DOP1A: variants seen among roughly 807,000 people sequenced by gnomAD.
DOP1A encodes protein DOP1A.
Under a neutral mutation model 267.6 loss-of-function variants are expected in DOP1A, and 90 were observed. The ratio of observed to expected loss-of-function variants is 0.34; its 90% CI spans 0.28 to 0.40. The LOEUF is 0.40. DOP1A is among the 10% of genes least tolerant of loss of function. The pLI is 1.00. For synonymous variants in DOP1A, 932 were observed against 999.1 expected, an observed-to-expected ratio of 0.93 and a Z score of 1.27; for missense variants, 2,437 against 2,900.4, an observed-to-expected ratio of 0.84 and a Z score of 3.67.
chr6:83,111,364 G>A (rs1017058077), intron 6 of DOP1A, among the ~76,000 whole-genome samples: 9 of 151,298 alleles, frequency 5.9e-5, no homozygotes, highest in Admixed American at 2.0e-4. Context: ...ATGGACATGC[G>A]TTTTCATTTA....
At chr6:83,141,720 G>A (rs772212780) in intron 23 of DOP1A, among the ~76,000 whole-genome samples, 4 of 152,068 alleles carry the variant, frequency 2.6e-5, no homozygotes, top group South Asian at 2.1e-4. Flanking sequence ...ATTGGTAGCC[G>A]TCATTTTATA....
At chr6:83,135,982 C>A in intron 20 of DOP1A, 104 bp downstream of exon 20, 1 of 1,351,982 alleles carries the variant, frequency 7.4e-7, no homozygotes, top group Non-Finnish European at 1.0e-6. Flanking sequence ...GAGATTTTCT[C>A]CATGGGCTTA....
chr6:83,130,446 T>G lies in DOP1A; in HGVS notation c.2616+49T>G, dbSNP rs16881276. 3.6e-3 allele frequency: 5,672 copies of G among 1,556,322 alleles called. 192 individuals are homozygous for G. In the African/African-American group the frequency reaches 0.068, roughly 19 times the overall value. ...TGACTATGATGATTACAGCCATGTA[T>G]GATACTTGACCTAGTTTGCTTTAAG... On this transcript the variant is annotated intron_variant, in intron 17 of 38. Transcript: ENST00000349129.
At chr6:83,154,795 G>GA (rs966415640) in intron 33 of DOP1A, among the ~76,000 whole-genome samples, 18 of 151,050 alleles carry the variant, frequency 1.2e-4, no homozygotes, top group African/African-American at 1.7e-4. Context: ...AATTTCATCT[G>GA]AAAAAAAAGA....
At chr6:83,095,225 G>T (rs1374388778) in intron 1 of DOP1A, among the ~76,000 whole-genome samples, 1 of 152,184 alleles carries the variant, frequency 6.6e-6, no homozygotes, top group Non-Finnish European at 1.5e-5. Context: ...GAGCCACCGT[G>T]CCTGGCTTTC....
chr6:83,136,103 G>A (rs1489449761), intron 20 of DOP1A, among the ~76,000 whole-genome samples: 2 of 152,094 alleles, frequency 1.3e-5, no homozygotes, highest in African/African-American at 2.4e-5. Context: ...TTCAGGGCAG[G>A]AATCAGGCAC....
At chr6:83,087,957 C>T (rs1177435449) in intron 1 of DOP1A, among the ~76,000 whole-genome samples, 3 of 152,012 alleles carry the variant, frequency 2.0e-5, no homozygotes, top group African/African-American at 7.3e-5. Flanking sequence ...CTGCAAGCTC[C>T]GCCTCCCAGG....
chr6:83,168,220 C>G lies in DOP1A; in HGVS notation c.*53C>G, dbSNP rs1316377813. ...CATGTAAATGTAATTATTTAAAACA[C>G]ACACACTGCTCTGCGTTGTATAGTT... On this transcript the variant is annotated 3_prime_UTR_variant, in exon 39 of 39. Coordinates refer to ENST00000349129, the MANE Select transcript of DOP1A (RefSeq NM_015018.4). 1 of 1,556,838 alleles carries G rather than the reference C, an allele frequency of 6.4e-7. No homozygotes were observed. Among genetic ancestry groups the G allele is most frequent in the African/African-American group, 1.4e-5 (1 of 72,810 alleles).
At chr6:83,133,658 AAAT>A (rs1778428287) in intron 18 of DOP1A, among the ~76,000 whole-genome samples, 1 of 152,066 alleles carries the variant, frequency 6.6e-6, no homozygotes, top group African/African-American at 2.4e-5. Context: ...ATCTTTTTCC[AAAT>A]AATCTCAAAA....
chr6:83,151,874 T>C lies in DOP1A; in HGVS notation c.5905-9T>C. On this transcript the variant is annotated splice_polypyrimidine_tract_variant and intron_variant, in intron 28 of 38. Transcript: ENST00000349129. ...TACCATACATAGTTGTTCTTCCTTATTTTTTTAGGATGTAACTCACAAAAT... is the reference window on the plus strand; with the variant it reads ...TACCATACATAGTTGTTCTTCCTTACTTTTTTAGGATGTAACTCACAAAAT... The C allele has an allele frequency of 6.2e-7, 1 of 1,611,740 alleles. No individual in the cohort carries two copies. The highest frequency in any genetic ancestry group is 1.1e-5 in the South Asian group (1 of 90,862).
At position 83,085,289 on chromosome 6, in the gene DOP1A, A is replaced by G. The variant is rs192862492; in HGVS notation, c.-146-11442A>G. 1.9e-3 allele frequency among the ~76,000 whole-genome samples: 286 copies of G among 152,348 alleles called. 2 individuals are homozygous for G. Among genetic ancestry groups the G allele is most frequent in the African/African-American group, 6.5e-3 (271 of 41,582 alleles). On this transcript the variant is annotated intron_variant, in intron 1 of 38. Transcript: ENST00000349129. ...CTATTATGGGACTGCCGATGCAGGT[A>G]TGAACAACTAAGATAAGGCTATTGA...
At chr6:83,122,167 A>G in intron 11 of DOP1A, 117 bp downstream of exon 11, 1 of 1,192,278 alleles carries the variant, frequency 8.4e-7, no homozygotes, top group East Asian at 2.5e-5. Flanking sequence ...TAATAAGTAA[A>G]GCTGATTTAA....
At chr6:83,129,710 A>G (rs1293041940) in intron 16 of DOP1A, among the ~76,000 whole-genome samples, 1 of 152,176 alleles carries the variant, frequency 6.6e-6, no homozygotes, top group East Asian at 1.9e-4. Flanking sequence ...TGTCTTTCAC[A>G]GTTTGCATGC....
At chr6:83,132,384 CAA>C (rs3830926) in intron 18 of DOP1A, 56 bp downstream of exon 18, 44,636 of 896,594 alleles carry the variant, frequency 0.05, 1,315 homozygotes, top group African/African-American at 0.29. Flanking sequence ...CACACACACA[CAA>C]ATACTGAAAA....
chr6:83,107,582 G>A (rs1368731308), intron 4 of DOP1A, among the ~76,000 whole-genome samples: 1 of 152,194 alleles, frequency 6.6e-6, no homozygotes, highest in African/African-American at 2.4e-5. Flanking sequence ...CGTTGGAAGA[G>A]ATAGACATTA....
chr6:83,076,618 AT>A (rs199511179), intron 1 of DOP1A, among the ~76,000 whole-genome samples: 96 of 150,616 alleles, frequency 6.4e-4, no homozygotes, highest in Admixed American at 1.3e-3. Context: ...TAAAAAAAAA[AT>A]AGTTTTGGCA....
intron 38 of DOP1A, chr6:83,166,991 TTC>T (rs1262220201): frequency 3.4e-5 from 34 of 985,834 alleles, no homozygotes; most frequent in Middle Eastern, 5.2e-4. Context: ...AACCAACCTG[TTC>T]TCTCTTATCT....
rs1357040850 is a variant in DOP1A at position 83,138,144 on chromosome 6, C to T, written c.4102C>T (p.His1368Tyr). 1.2e-6 allele frequency: 2 copies of T among 1,613,972 alleles called. No individual in the cohort carries two copies. The highest frequency in any genetic ancestry group is 1.7e-6 in the Non-Finnish European group (2 of 1,179,910). The change falls in exon 21 of 39, where the codon CAT becomes TAT. Residue 1368 changes from histidine (H) to tyrosine (Y), a missense_variant. Around this residue, in one of 9 missense-constraint regions of DOP1A, gnomAD observed 878 missense variants for 992.9 expected, o/e 0.88. Transcript: ENST00000349129. The stretch of plus-strand genomic sequence containing the variant: ...TTTCAACATTCATCCTCTCTATCAA[C>T]ATGTGCTCCTGTATCTCCAGTTGTA... The part of the protein sequence containing the change: ...PNFNIHPLYQ[H>Y]VLLYLQLYDS...
At chr6:83,157,446 CT>C (rs35346649) in intron 35 of DOP1A, 128 bp downstream of exon 35, 2 of 976,898 alleles carry the variant, frequency 2.0e-6, no homozygotes, top group Non-Finnish European at 3.1e-6. Flanking sequence ...GTTACTGATG[CT>C]TTTTACAGTT....
Sources: gnomAD v4.1 joint callset for allele counts (sites outside exome capture counted in the v4.1 genomes callset) on GRCh38, gnomAD v4.1.1 for gene constraint, gnomAD v4.1.1 regional missense constraint, MANE v1.5 for transcripts, NCBI Gene and HGNC (gene_info 2026-07-23, HGNC 2026-07-21) for gene names.